Variants in ANKS1B observed in about 807,000 individuals in gnomAD.
ANKS1B encodes ankyrin repeat and sterile alpha motif domain-containing protein 1B.
Under a neutral mutation model 148.3 loss-of-function variants are expected in ANKS1B, and 36 were observed. The ratio of observed to expected loss-of-function variants is 0.24; its 90% confidence interval spans 0.19 to 0.32. ANKS1B has a LOEUF of 0.32. ANKS1B is among the 10% of genes least tolerant of loss of function. The pLI is 1.00. For missense variants in ANKS1B, 1,157 were observed against 1,542.6 expected (o/e 0.75, Z 4.19); for synonymous variants, 542 against 560.8 (o/e 0.97, Z 0.47).
At chr12:99,507,391 T>G (rs1240717643) in intron 9 of ANKS1B, among the ~76,000 whole-genome samples, 1 of 151,842 alleles carries the variant, frequency 6.6e-6, no homozygotes, top group Non-Finnish European at 1.5e-5. Flanking sequence ...GCTTTCTTCC[T>G]TAAAAATGAA....
At chr12:99,320,736 G>C (rs1282046575) in intron 12 of ANKS1B, among the ~76,000 whole-genome samples, 1 of 152,158 alleles carries the variant, frequency 6.6e-6, no homozygotes, top group Non-Finnish European at 1.5e-5. Context: ...TTGTTCTGTT[G>C]CTGGCAAGGA....
At chr12:99,294,950 A>G (rs1301471766) in intron 12 of ANKS1B, among the ~76,000 whole-genome samples, 1 of 152,242 alleles carries the variant, frequency 6.6e-6, no homozygotes, top group African/African-American at 2.4e-5. Context: ...CTAAAAGAAT[A>G]TAATTGGAAG....
At chr12:98,883,421 A>G (rs758036294) in intron 17 of ANKS1B, among the ~76,000 whole-genome samples, 1 of 152,228 alleles carries the variant, frequency 6.6e-6, no homozygotes, top group Non-Finnish European at 1.5e-5. Context: ...CGATGGTCAC[A>G]TGAGAGTAAG....
intron 10 of ANKS1B, among the ~76,000 whole-genome samples, chr12:99,500,961 T>C (rs2096649763): frequency 6.6e-6 from 1 of 152,218 alleles, no homozygotes; most frequent in African/African-American, 2.4e-5. Flanking sequence ...GAAAAATTTC[T>C]TGTGGCTTAA....
At position 99,762,335 on chromosome 12, in the gene ANKS1B, A is replaced by G. The variant is rs1255346327; in HGVS notation, c.1128+10587T>C. Reference sequence around the variant, plus strand: ...AACAAATACTTCATGGTACTGGTACAAAAACAGAAACATAGAACAAAGGAA... The same window carrying G: ...AACAAATACTTCATGGTACTGGTACGAAAACAGAAACATAGAACAAAGGAA... On this transcript the variant is annotated intron_variant, in intron 8 of 26. Transcript: ENST00000683438. 9.1e-5 allele frequency among the ~76,000 whole-genome samples: 11 copies of G among 121,244 alleles called. No individual in the cohort carries two copies. In the Admixed American group the frequency reaches 9.8e-4, roughly 11 times the overall value. 79.5% of individuals were successfully genotyped at this position (121,244 alleles called of 152,430 possible). A position where few individuals can be genotyped will look rare whatever the true frequency, so the allele number is the denominator to read the frequency against.
chr12:99,623,919 T>C (rs1246576964), intron 9 of ANKS1B, among the ~76,000 whole-genome samples: 1 of 151,982 alleles, frequency 6.6e-6, no homozygotes, highest in Admixed American at 6.6e-5. Flanking sequence ...AAAATTCACA[T>C]GGAACCAAAA....
intron 14 of ANKS1B, among the ~76,000 whole-genome samples, chr12:99,208,814 A>G (rs577597400): frequency 1.3e-5 from 2 of 152,228 alleles, no homozygotes; most frequent in South Asian, 4.1e-4. Context: ...TTAATGTTTT[A>G]TTTTACAGAT....
intron 12 of ANKS1B, among the ~76,000 whole-genome samples, chr12:99,302,288 A>G (rs2081748145): frequency 6.6e-6 from 1 of 152,140 alleles, no homozygotes; most frequent in Non-Finnish European, 1.5e-5. Flanking sequence ...TTTTTTCCAT[A>G]TATTTAAAAC....
intron 15 of ANKS1B, among the ~76,000 whole-genome samples, chr12:99,134,690 CA>C (rs2067379375): frequency 7.6e-6 from 1 of 131,478 alleles, no homozygotes; most frequent in African/African-American, 2.9e-5. Context: ...CACACACACA[CA>C]CACACACACC....
chr12:99,702,504 T>G (rs1322517415), intron 8 of ANKS1B, among the ~76,000 whole-genome samples: 2 of 152,098 alleles, frequency 1.3e-5, no homozygotes, highest in Non-Finnish European at 2.9e-5. Flanking sequence ...CTATTTACTT[T>G]GTTGATTGCT....
intron 8 of ANKS1B, among the ~76,000 whole-genome samples, chr12:99,721,141 C>G: frequency 6.6e-6 from 1 of 152,170 alleles, no homozygotes; most frequent in Non-Finnish European, 1.5e-5. Flanking sequence ...AATATCACCC[C>G]TTACCACAAA....
At chr12:99,803,375 A>C (rs2067213409) in intron 4 of ANKS1B, among the ~76,000 whole-genome samples, 1 of 151,358 alleles carries the variant, frequency 6.6e-6, no homozygotes, top group Non-Finnish European at 1.5e-5. Context: ...ACTAAGGCTA[A>C]ATATATTATG....
intron 12 of ANKS1B, among the ~76,000 whole-genome samples, chr12:99,381,600 T>G (rs960849573): frequency 6.6e-6 from 1 of 152,124 alleles, no homozygotes; most frequent in Non-Finnish European, 1.5e-5. Flanking sequence ...AAATAAAGAC[T>G]TTGTCCGTTG....
intron 12 of ANKS1B, among the ~76,000 whole-genome samples, chr12:99,348,325 T>C (rs991194478): frequency 6.6e-6 from 1 of 151,796 alleles, no homozygotes; most frequent in Non-Finnish European, 1.5e-5. Flanking sequence ...TTTTCTTATA[T>C]ATTCTTCTTG....
chr12:99,102,736 C>T lies in ANKS1B; in HGVS notation c.2527-17713G>A, dbSNP rs2058258916. 2.0e-5 allele frequency among the ~76,000 whole-genome samples: 3 copies of T among 151,872 alleles called. No homozygotes were observed. The South Asian group carries it at 6.2e-4, about 32-fold the overall frequency. On this transcript the variant is annotated intron_variant, in intron 15 of 26. Coordinates refer to ENST00000683438, the MANE Select transcript of ANKS1B (RefSeq NM_001352186.2). ...TCCAGGTTGGGTGACAGAGTAAGAT[C>T]CTGTCTCAAAAAATAAAAAACTAAA...
intron 8 of ANKS1B, among the ~76,000 whole-genome samples, chr12:99,676,484 A>C (rs1420982035): frequency 6.6e-6 from 1 of 152,244 alleles, no homozygotes; most frequent in Non-Finnish European, 1.5e-5. Flanking sequence ...TGATTTGTTG[A>C]AATGTTCATC....
At chr12:99,093,771 C>T (rs983361027) in intron 15 of ANKS1B, among the ~76,000 whole-genome samples, 1 of 151,988 alleles carries the variant, frequency 6.6e-6, no homozygotes, top group African/African-American at 2.4e-5. Flanking sequence ...ACAGACATCC[C>T]CAGATTTAAG....
intron 9 of ANKS1B, among the ~76,000 whole-genome samples, chr12:99,637,632 TA>T (rs1487309598): frequency 1.3e-5 from 2 of 151,996 alleles, no homozygotes; most frequent in African/African-American, 4.8e-5. Flanking sequence ...CCTCCCAGCC[TA>T]CATTTTTCTT....
rs116308581 is a variant in ANKS1B, at chr12:99,814,069, C to T, written c.216-1758G>A. On this transcript the variant is annotated intron_variant, in intron 2 of 26. Transcript: ENST00000683438. ...TTAAAATTGCCTACAGTATTCAGTA[C>T]AGTAACATACTGTGCAGGCATGTAA... 2.7e-3 allele frequency among the ~76,000 whole-genome samples: 408 copies of T among 151,748 alleles called. 1 individual carries two copies. The highest frequency in any genetic ancestry group is 8.7e-3 in the African/African-American group (362 of 41,466).
Sources: allele counts gnomAD v4.1 joint callset (sites outside exome capture counted in the v4.1 genomes callset), GRCh38; gene constraint gnomAD v4.1.1; transcripts MANE v1.5; gene names NCBI Gene and HGNC (gene_info 2026-07-23, HGNC 2026-07-21).